UGT1A4: variants seen among roughly 807,000 people sequenced by gnomAD.
The protein encoded by UGT1A4 is UDP-glucuronosyltransferase 1A4.
UGT1A4 carries 32 observed loss-of-function variants against 41.1 expected under a neutral mutation model. The ratio of observed to expected loss-of-function variants is 0.78; its 90% confidence interval spans 0.59 to 1.05. The LOEUF is 1.05. UGT1A4 is among the 50% of genes least tolerant of loss of function. The probability of loss-of-function intolerance (pLI) is 0.00; values close to 1 mark genes in which losing one functional copy is unlikely to be tolerated. For missense variants in UGT1A4, 748 were observed against 677.4 expected, an observed-to-expected ratio of 1.10 and a Z score of -1.16; for synonymous variants, 283 against 265.1, an observed-to-expected ratio of 1.07 and a Z score of -0.66.
At chr2:233,760,188 CG>C (rs1250855848) in intron 1 of UGT1A4, 1 of 1,563,540 alleles carries the variant, frequency 6.4e-7, no homozygotes, top group Non-Finnish European at 8.6e-7. Context: ...TTTATAGTCA[CG>C]TGACACAGTC....
At chr2:233,765,068 C>T (rs1698740394) in intron 1 of UGT1A4, among the ~76,000 whole-genome samples, 1 of 152,072 alleles carries the variant, frequency 6.6e-6, no homozygotes. Flanking sequence ...TCAGAGGTCT[C>T]CTGTGTCTCA....
At chr2:233,768,519 GC>G (rs1699633874) in intron 4 of UGT1A4, 80 bp downstream of exon 4, 1 of 1,531,284 alleles carries the variant, frequency 6.5e-7, no homozygotes, top group East Asian at 2.5e-5. Flanking sequence ...CATTTACGTA[GC>G]ATTTAATAGC....
chr2:233,754,758 C>T (rs1438461710), intron 1 of UGT1A4: 1 of 879,896 alleles, frequency 1.1e-6, no homozygotes, highest in Non-Finnish European at 1.7e-6. Context: ...GGAAGAAAGG[C>T]CCCCACTTCC....
At chr2:233,725,703 A>G (rs2077468684) in intron 1 of UGT1A4, among the ~76,000 whole-genome samples, 1 of 152,222 alleles carries the variant, frequency 6.6e-6, no homozygotes, top group South Asian at 2.1e-4. Flanking sequence ...ATATGTAGTT[A>G]GTGACTACCA....
intron 1 of UGT1A4, among the ~76,000 whole-genome samples, chr2:233,730,165 G>A (rs142374428): frequency 8.5e-5 from 13 of 152,274 alleles, no homozygotes; most frequent in East Asian, 3.9e-4. Context: ...CTCTAGTAGC[G>A]TATTTCAGGT....
chr2:233,749,922 T>G (rs1694307540), intron 1 of UGT1A4, among the ~76,000 whole-genome samples: 2 of 151,936 alleles, frequency 1.3e-5, no homozygotes, highest in South Asian at 4.1e-4. Context: ...GTGAGTCAAT[T>G]AAAGCTCTTT....
At chr2:233,730,107 G>C (rs2077985691) in intron 1 of UGT1A4, 1 of 1,570,754 alleles carries the variant, frequency 6.4e-7, no homozygotes. Flanking sequence ...TTTCATTTCT[G>C]CTTCTCCTTG....
intron 1 of UGT1A4, among the ~76,000 whole-genome samples, chr2:233,724,658 G>T (rs1029278749): frequency 7.0e-6 from 1 of 142,980 alleles, no homozygotes; most frequent in South Asian, 2.5e-4. Context: ...GGGAAGAGGC[G>T]CTCCTCACTT....
At position 233,767,045 on chromosome 2, in the gene UGT1A4, CT is replaced by C. The variant is rs756697968; in HGVS notation, c.880del (p.Tyr294ThrfsTer73). On this transcript the variant is annotated frameshift_variant, in exon 2 of 5. Coordinates refer to ENST00000373409, the MANE Select transcript of UGT1A4 (RefSeq NM_007120.3). LOFTEE classifies it high-confidence loss of function. The part of the protein sequence containing the change: ...GKPLSQEFEA[Y>X]INASGEHGIV... The stretch of plus-strand genomic sequence containing the variant: ...TCTTCTGGCTCTAGGAATTTGAAGC[CT>C]ACATTAATGCTTCTGGAGAACATGG... 7.4e-6 allele frequency: 12 copies of C among 1,613,888 alleles called. No homozygotes were observed. The highest frequency in any genetic ancestry group is 9.3e-6 in the Non-Finnish European group (11 of 1,179,996).
intron 1 of UGT1A4, among the ~76,000 whole-genome samples, chr2:233,725,051 G>A: frequency 6.8e-6 from 1 of 147,840 alleles, no homozygotes; most frequent in East Asian, 2.1e-4. Flanking sequence ...GTCAGGCGTG[G>A]CGGCGCGCGC....
chr2:233,746,472 A>G (rs1693402163), intron 1 of UGT1A4, among the ~76,000 whole-genome samples: 1 of 151,654 alleles, frequency 6.6e-6, no homozygotes, highest in Admixed American at 6.6e-5. Flanking sequence ...GGTTCCAGAA[A>G]CACTTTCCAT....
chr2:233,728,952 CA>C (rs1350442582), intron 1 of UGT1A4, among the ~76,000 whole-genome samples: 1 of 152,152 alleles, frequency 6.6e-6, no homozygotes, highest in African/African-American at 2.4e-5. Flanking sequence ...GTGGGGCCCA[CA>C]GTGAAAAACA....
rs1005188679 is a variant in UGT1A4, at chr2:233,769,324, T to C, written c.1307+885T>C. 3.9e-5 allele frequency among the ~76,000 whole-genome samples: 6 copies of C among 152,244 alleles called. No individual in the cohort carries two copies. Among genetic ancestry groups the C allele is most frequent in the African/African-American group, 1.4e-4 (6 of 41,472 alleles). On this transcript the variant is annotated intron_variant, in intron 4 of 4. Coordinates refer to ENST00000373409, the MANE Select transcript of UGT1A4 (RefSeq NM_007120.3). This position sits in a 1 kb window ranked among gnomAD's most constrained non-coding sequence, Gnocchi z 4.4. ...ATATTACTGTCAAGCTCACTGGTAA[T>C]AGGCTTATTAGAACCTTATGGGAAG...
chr2:233,733,103 T>G lies in UGT1A4; in HGVS notation c.867+13416T>G, dbSNP rs137950812. ...AATGGGAGTTCACTCATGGTTTGGC[T>G]CTGTTTGTCTGTTATTGGTGTATAG... On this transcript the variant is annotated intron_variant, in intron 1 of 4. Coordinates refer to ENST00000373409, the MANE Select transcript of UGT1A4 (RefSeq NM_007120.3). Among the ~76,000 whole-genome samples the G allele has an allele frequency of 9.9e-3, 1,505 of 152,334 alleles. 21 individuals are homozygous for G. Among genetic ancestry groups the G allele is most frequent in the African/African-American group, 0.035 (1,436 of 41,572 alleles).
chr2:233,747,009 G>A (rs1693538108), intron 1 of UGT1A4, among the ~76,000 whole-genome samples: 1 of 151,886 alleles, frequency 6.6e-6, no homozygotes, highest in African/African-American at 2.4e-5. Context: ...TCAAGTAGGA[G>A]TGATCGGTCT....
chr2:233,756,944 AC>A lies in UGT1A4; in HGVS notation c.868-10087del, dbSNP rs34531096. On this transcript the variant is annotated intron_variant, in intron 1 of 4. Transcript: ENST00000373409. ...ATAACCTCTAGTTACATAACCTGAA[AC>A]CCGGACTTGGCACTTGGTAAGCACG... 8.7e-4 allele frequency among the ~76,000 whole-genome samples: 132 copies of A among 152,140 alleles called. 1 individual carries two copies. The East Asian group carries it at 0.024, about 27-fold the overall frequency.
intron 1 of UGT1A4, chr2:233,760,836 T>C: frequency 6.2e-7 from 1 of 1,613,700 alleles, no homozygotes; most frequent in Non-Finnish European, 8.5e-7. Flanking sequence ...AATTTGAGGC[T>C]ACCCAGTGCC....
In UGT1A4 at chr2:233,727,075, A is replaced by C. The variant is rs1559371928; in HGVS notation, c.867+7388A>C. 2.0e-5 allele frequency among the ~76,000 whole-genome samples: 3 copies of C among 152,212 alleles called. No individual in the cohort carries two copies. The South Asian group carries it at 6.2e-4, about 32-fold the overall frequency. On this transcript the variant is annotated intron_variant, in intron 1 of 4. Transcript: ENST00000373409. Reference sequence around the variant, plus strand: ...TGAAGATTAGTTTCTGTGTTCTCTTACAAACATTAAAGAATTCCAGTTTGT... The same window carrying C: ...TGAAGATTAGTTTCTGTGTTCTCTTCCAAACATTAAAGAATTCCAGTTTGT...
chr2:233,756,811 T>C (rs1696332579), intron 1 of UGT1A4, among the ~76,000 whole-genome samples: 1 of 152,156 alleles, frequency 6.6e-6, no homozygotes. Context: ...TAAAGGTCAC[T>C]CAATTCCAAG....
Sources: allele counts gnomAD v4.1 joint callset (sites outside exome capture counted in the v4.1 genomes callset), GRCh38; gene constraint gnomAD v4.1.1; non-coding constraint Gnocchi (gnomAD v3.1); transcripts MANE v1.5; gene names NCBI Gene and HGNC (gene_info 2026-07-23, HGNC 2026-07-21).